ITFG1: variants seen among roughly 807,000 people sequenced by gnomAD.
ITFG1 encodes integrin alpha FG-GAP repeat containing 1, also known as T-cell immunomodulatory protein.
A neutral mutation model predicts 81.8 loss-of-function variants in ITFG1; 34 were observed. The observed-to-expected ratio is 0.42, with a 90% confidence interval of 0.32 to 0.55. The LOEUF (loss-of-function observed/expected upper bound fraction) is 0.55. Ranked by LOEUF, ITFG1 falls within the 20% of genes least tolerant of loss-of-function variation. ITFG1 has a pLI of 0.17. For synonymous variants in ITFG1, 285 were observed against 270.6 expected (o/e 1.05, Z -0.52); for missense variants, 672 against 755.4 (o/e 0.89, Z 1.29).
chr16:47,233,468 A>T (rs1965839330), intron 13 of ITFG1, among the ~76,000 whole-genome samples: 1 of 152,220 alleles, frequency 6.6e-6, no homozygotes. Flanking sequence ...GTTGAGTTTT[A>T]CCTCCAGGAA....
rs192849079 is a variant in ITFG1 at position 47,280,328 on chromosome 16, T to C, written c.1071-19633A>G. 8.7e-4 allele frequency among the ~76,000 whole-genome samples: 133 copies of C among 152,302 alleles called. 2 individuals are homozygous for C. The highest frequency in any genetic ancestry group is 2.9e-3 in the African/African-American group (122 of 41,580). Reference sequence around the variant, plus strand: ...TCTGAGAGGTTTTATCATGAATGCATTGAATTTTGTTAAATGATTTTTCTA... The same window carrying C: ...TCTGAGAGGTTTTATCATGAATGCACTGAATTTTGTTAAATGATTTTTCTA... On this transcript the variant is annotated intron_variant, in intron 10 of 17. Coordinates refer to ENST00000320640, the MANE Select transcript of ITFG1 (RefSeq NM_030790.5).
At chr16:47,385,044 C>T (rs1350585632) in intron 6 of ITFG1, among the ~76,000 whole-genome samples, 5 of 152,120 alleles carry the variant, frequency 3.3e-5, no homozygotes, top group Non-Finnish European at 5.9e-5. Flanking sequence ...TCTTGTTGGA[C>T]GAATTTGAGG....
Position 47,275,289 on chromosome 16 carries a change from T to A in ITFG1, c.1071-14594A>T, listed in dbSNP as rs16954465. ...ATCCCAGTCCTCTCCTTTGTTATTATATTTCTTCAACTGCTGTTTTTGGAT... is the reference window on the plus strand; with the variant it reads ...ATCCCAGTCCTCTCCTTTGTTATTAAATTTCTTCAACTGCTGTTTTTGGAT... On this transcript the variant is annotated intron_variant, in intron 10 of 17. Transcript: ENST00000320640. Among the ~76,000 whole-genome samples the A allele has an allele frequency of 2.1e-3, 326 of 152,318 alleles. 5 individuals carry two copies. The South Asian group carries it at 0.027, about 12-fold the overall frequency.
intron 10 of ITFG1, among the ~76,000 whole-genome samples, chr16:47,285,511 AATTT>A (rs1966866418): frequency 6.6e-6 from 1 of 152,194 alleles, no homozygotes; most frequent in Non-Finnish European, 1.5e-5. Context: ...GTTGGACAGA[AATTT>A]CAGAGGCCTG....
intron 14 of ITFG1, among the ~76,000 whole-genome samples, chr16:47,199,348 A>C (rs1035908056): frequency 3.3e-5 from 5 of 152,226 alleles, no homozygotes; most frequent in African/African-American, 1.2e-4. Flanking sequence ...TAAAATATAC[A>C]ATAGTGCATA....
intron 5 of ITFG1, among the ~76,000 whole-genome samples, chr16:47,437,319 T>C (rs1282361278): frequency 6.6e-6 from 1 of 151,934 alleles, no homozygotes; most frequent in Non-Finnish European, 1.5e-5. Flanking sequence ...TTTTAAAAAG[T>C]TAGTCAGGCA....
chr16:47,295,332 T>C (rs1158253684), intron 10 of ITFG1, among the ~76,000 whole-genome samples: 1 of 152,206 alleles, frequency 6.6e-6, no homozygotes, highest in Admixed American at 6.5e-5. Flanking sequence ...TATAATGAGT[T>C]AGGGAAGATT....
chr16:47,340,480 A>G (rs1221774519), intron 8 of ITFG1, among the ~76,000 whole-genome samples: 1 of 152,206 alleles, frequency 6.6e-6, no homozygotes, highest in Non-Finnish European at 1.5e-5. Context: ...GAAGGCTACA[A>G]CTTTAGTTGT....
chr16:47,460,817 G>A (rs1279077292), intron 1 of ITFG1, 21 bp downstream of exon 1: 2 of 1,611,178 alleles, frequency 1.2e-6, no homozygotes, highest in Non-Finnish European at 8.5e-7. Flanking sequence ...CGAACAGAGG[G>A]AGGGCCCGGC....
At chr16:47,236,407 G>A (rs1383929075) in intron 13 of ITFG1, among the ~76,000 whole-genome samples, 4 of 151,268 alleles carry the variant, frequency 2.6e-5, no homozygotes, top group Non-Finnish European at 5.9e-5. Flanking sequence ...CCCCGGAGGC[G>A]GAGCTTGCAG....
intron 14 of ITFG1, among the ~76,000 whole-genome samples, chr16:47,184,934 A>T (rs1965190434): frequency 6.6e-6 from 1 of 151,902 alleles, no homozygotes; most frequent in Non-Finnish European, 1.5e-5. Flanking sequence ...ATGGAGGAAG[A>T]TCTACCAAGC....
chr16:47,455,192 T>C (rs1038415222), intron 2 of ITFG1, among the ~76,000 whole-genome samples: 1 of 152,224 alleles, frequency 6.6e-6, no homozygotes, highest in Admixed American at 6.5e-5. Flanking sequence ...GATAGTAGAC[T>C]AGTCCCACTA....
chr16:47,173,179 C>G (rs938789022), intron 14 of ITFG1, among the ~76,000 whole-genome samples: 1 of 152,070 alleles, frequency 6.6e-6, no homozygotes, highest in African/African-American at 2.4e-5. Context: ...AATCAAAGAC[C>G]CTCTTGCCCA....
intron 10 of ITFG1, among the ~76,000 whole-genome samples, chr16:47,303,279 A>G (rs537719050): frequency 1.3e-3 from 204 of 152,246 alleles, no homozygotes; most frequent in Non-Finnish European, 2.5e-3. Flanking sequence ...TCAAAAAAAA[A>G]AGAGACAATA....
At chr16:47,225,360 T>C (rs1162855722) in intron 13 of ITFG1, among the ~76,000 whole-genome samples, 1 of 151,994 alleles carries the variant, frequency 6.6e-6, no homozygotes, top group Admixed American at 6.6e-5. Flanking sequence ...GGTAGAAATA[T>C]GTGAAGCAAT....
At chr16:47,215,286 A>C (rs189186494) in intron 14 of ITFG1, among the ~76,000 whole-genome samples, 59 of 152,306 alleles carry the variant, frequency 3.9e-4, no homozygotes, top group African/African-American at 1.3e-3. Flanking sequence ...CTTAACATTT[A>C]AACTGGGAAT....
intron 10 of ITFG1, among the ~76,000 whole-genome samples, chr16:47,290,229 G>A (rs1454016983): frequency 6.6e-6 from 1 of 152,150 alleles, no homozygotes; most frequent in Non-Finnish European, 1.5e-5. Flanking sequence ...GACTTGTTTT[G>A]TGGTCTGCCA....
At chr16:47,309,176 C>T (rs577267592) in intron 10 of ITFG1, among the ~76,000 whole-genome samples, 121 of 149,518 alleles carry the variant, frequency 8.1e-4, no homozygotes, top group African/African-American at 2.9e-3. Flanking sequence ...TCAAGTGATT[C>T]TCCTGCTTCA....
At chr16:47,182,154 C>G (rs897747445) in intron 14 of ITFG1, among the ~76,000 whole-genome samples, 1 of 149,020 alleles carries the variant, frequency 6.7e-6, no homozygotes, top group African/African-American at 2.5e-5. Flanking sequence ...TCCCCCTCTG[C>G]GAGAAACATC....
Sources: allele counts gnomAD v4.1 joint callset (sites outside exome capture counted in the v4.1 genomes callset), GRCh38; gene constraint gnomAD v4.1.1; transcripts MANE v1.5; gene names NCBI Gene and HGNC (gene_info 2026-07-23, HGNC 2026-07-21).